Variants in SMC1A observed in about 807,000 individuals in gnomAD.
The protein encoded by SMC1A is structural maintenance of chromosomes 1A, also known as structural maintenance of chromosomes protein 1A.
In SMC1A, 4 loss-of-function variants were observed where a neutral mutation model predicts 94.5. The observed-to-expected ratio is 0.04, with a 90% confidence interval of 0.02 to 0.10. The LOEUF (loss-of-function observed/expected upper bound fraction) is 0.10, where lower values mean the gene tolerates loss of function less well. Among genes scored for constraint, SMC1A ranks in the 10% least tolerant of loss-of-function variants. The pLI is 1.00. For missense variants in SMC1A, 304 were observed against 989.0 expected (o/e 0.31, Z 9.29); for synonymous variants, 345 against 347.7 (o/e 0.99, Z 0.09).
At chrX:53,398,674 A>G (rs782030053) in intron 16 of SMC1A, among the ~76,000 whole-genome samples, 6 of 111,324 alleles carry the variant, frequency 5.4e-5, no homozygotes, top group African/African-American at 2.0e-4. Flanking sequence ...CTTAGGGACT[A>G]TTTTTCCTTT....
intron 9 of SMC1A, among the ~76,000 whole-genome samples, chrX:53,406,944 C>T (rs1157519565): frequency 1.8e-5 from 2 of 112,004 alleles, no homozygotes; most frequent in African/African-American, 6.5e-5. Flanking sequence ...ATGATCTGCC[C>T]GCCTCGGCCT....
In SMC1A at chrX:53,402,868, C is replaced by CAAAAAA. The variant is rs151144282; in HGVS notation, c.2420+692_2420+697dup. Among the ~76,000 whole-genome samples, 24 of 10,082 alleles carry CAAAAAA rather than the reference C, an allele frequency of 2.4e-3. 1 individual carries two copies. Among genetic ancestry groups the CAAAAAA allele is most frequent in the South Asian group, 0.05 (1 of 20 alleles). 8.8% of individuals were successfully genotyped at this position (10,082 alleles called of 115,157 possible). A position where few individuals can be genotyped will look rare whatever the true frequency, so the allele number is the denominator to read the frequency against. ...TGGGCGACAGAGCAAGACTCTGTCT[C>CAAAAAA]AAAAAAAAAAAAAAAAAGGGCCGGC... On this transcript the variant is annotated intron_variant, in intron 15 of 24. Transcript: ENST00000322213.
chrX:53,388,996 CAAAAAAAAA>C (rs782012322), intron 19 of SMC1A, among the ~76,000 whole-genome samples: 1 of 31,340 alleles, frequency 3.2e-5, no homozygotes, highest in East Asian at 1.0e-3. Context: ...GACTCCATCT[CAAAAAAAAA>C]AAAAAAAAAA....
chrX:53,414,782 T>G lies in SMC1A; in HGVS notation c.387A>C (p.Lys129Asn). The G allele has an allele frequency of 8.3e-7, 1 of 1,205,349 alleles. No homozygotes were observed. The highest frequency in any genetic ancestry group is 1.1e-6 in the Non-Finnish European group (1 of 889,694). The change falls in exon 3 of 25, where the codon AAA (lysine) becomes AAC (asparagine). Residue 129 changes from lysine to asparagine, a missense_variant. Transcript: ENST00000322213. ...EELEKLGILI[K>N]ARNFLVFQGA... The stretch of plus-strand genomic sequence containing the variant: ...CCTGGAAAACGAGGAAGTTACGAGC[T>G]TTGATGAGAATGCCCAACTTCTCTA...
intron 18 of SMC1A, among the ~76,000 whole-genome samples, chrX:53,395,262 G>A (rs1275467550): frequency 1.8e-5 from 2 of 112,399 alleles, no homozygotes; most frequent in Non-Finnish European, 3.8e-5. Context: ...AGAATCACTT[G>A]AAACTGGGAG....
chrX:53,412,779 G>T, intron 5 of SMC1A, 121 bp downstream of exon 5: 1 of 1,080,653 alleles, frequency 9.3e-7, no homozygotes, highest in Non-Finnish European at 1.3e-6. Flanking sequence ...TCTTACAAAA[G>T]CAAGTTAGGA....
In SMC1A at chrX:53,378,235, A is replaced by G. The variant is rs1168970608; in HGVS notation, c.*1868T>C. Reference sequence around the variant, plus strand: ...AGGAATCAACCCTAGGTAAACTTTCATACATATACTTTCACACAGGCATAG... The same window carrying G: ...AGGAATCAACCCTAGGTAAACTTTCGTACATATACTTTCACACAGGCATAG... On this transcript the variant is annotated 3_prime_UTR_variant, in exon 25 of 25. Transcript: ENST00000322213. 1 of 112,242 alleles carries G rather than the reference A, an allele frequency of 8.9e-6. No homozygotes were observed. The highest frequency in any genetic ancestry group is 1.9e-5 in the Non-Finnish European group (1 of 53,285). 9.3% of individuals were successfully genotyped at this position (112,242 alleles called of 1,213,427 possible).
intron 9 of SMC1A, 114 bp from the exon 10 acceptor site, chrX:53,406,070 T>C (rs1199574257): frequency 1.5e-6 from 1 of 678,858 alleles, no homozygotes; most frequent in Non-Finnish European, 2.3e-6. Context: ...AGGAAGTGAA[T>C]GCAACTGTAT....
intron 13 of SMC1A, among the ~76,000 whole-genome samples, chrX:53,404,524 C>T (rs375339500): frequency 1.8e-5 from 2 of 111,032 alleles, no homozygotes; most frequent in Admixed American, 9.6e-5. Flanking sequence ...GACAGAGTCT[C>T]GCTCTGTCAC....
At chrX:53,383,882 T>G (rs1264362629) in intron 19 of SMC1A, among the ~76,000 whole-genome samples, 1 of 111,509 alleles carries the variant, frequency 9.0e-6, no homozygotes, top group African/African-American at 3.3e-5. Flanking sequence ...GGAATGCACA[T>G]AAGTAAACAA....
chrX:53,393,875 G>A (rs1288060810), intron 19 of SMC1A, among the ~76,000 whole-genome samples: 4 of 110,828 alleles, frequency 3.6e-5, no homozygotes, highest in Non-Finnish European at 7.5e-5. Context: ...AGATATTTAG[G>A]GCCGGGCACA....
rs2075726023 is a variant in SMC1A at position 53,414,830 on chromosome X, T to C, written c.339A>G (p.Gln113=). The C allele has an allele frequency of 8.3e-7, 1 of 1,208,367 alleles. No homozygotes were observed. The highest frequency in any genetic ancestry group is 1.1e-6 in the Non-Finnish European group (1 of 892,436). The change falls in exon 3 of 25, where the codon CAA becomes CAG. Residue 113 remains glutamine, a synonymous_variant. Transcript: ENST00000322213. The part of the protein sequence containing the change: ...SEYKINNKVV[Q]LHEYSEELEK... Reference sequence around the variant, plus strand: ...CTAATTCCTCACTGTACTCATGTAGTTGGACCACTTTGTTGTTGATCTTGT... The same window carrying C: ...CTAATTCCTCACTGTACTCATGTAGCTGGACCACTTTGTTGTTGATCTTGT...
At chrX:53,395,051 T>C (rs2075646010) in intron 18 of SMC1A, among the ~76,000 whole-genome samples, 163 bp from the exon 19 acceptor site, 1 of 112,341 alleles carries the variant, frequency 8.9e-6, no homozygotes, top group Non-Finnish European at 1.9e-5. Flanking sequence ...AGTTCAAAAT[T>C]GAGCTCTATG....
At chrX:53,395,728 T>C (rs1482892509) in intron 18 of SMC1A, among the ~76,000 whole-genome samples, 1 of 111,503 alleles carries the variant, frequency 9.0e-6, no homozygotes, top group African/African-American at 3.3e-5. Context: ...CTAGTATCTC[T>C]GGTTTTCCTA....
chrX:53,419,841 A>G (rs1556891806), intron 1 of SMC1A, among the ~76,000 whole-genome samples: 1 of 109,535 alleles, frequency 9.1e-6, no homozygotes, highest in Non-Finnish European at 1.9e-5. Context: ...AAAAAAAGAA[A>G]AAAAAGAAAA....
intron 19 of SMC1A, among the ~76,000 whole-genome samples, chrX:53,393,780 A>C (rs782176121): frequency 8.9e-6 from 1 of 111,810 alleles, no homozygotes; most frequent in African/African-American, 3.2e-5. Context: ...AACACATCAT[A>C]AACTATTTAG....
At chrX:53,394,936 G>T in intron 18 of SMC1A, 48 bp from the exon 19 acceptor site, 1 of 766,216 alleles carries the variant, frequency 1.3e-6, no homozygotes, top group Non-Finnish European at 2.0e-6. Context: ...CCATGAGAGT[G>T]CACCTCTATA....
chrX:53,422,546 G>T lies in SMC1A; in HGVS notation c.55C>A (p.Gln19Lys). The change falls in exon 1 of 25, where the codon CAG becomes AAG. Residue 19 changes from glutamine to lysine, a missense_variant. This residue lies in a region of SMC1A where 8 missense variants were observed against 58.2 expected (regional missense o/e 0.14). Transcript: ENST00000322213. ...AACCTCTGAAATGGTCCGATAATCTGTCGACCCTTGTACGACTTAAAGTTC... is the reference window on the plus strand; with the variant it reads ...AACCTCTGAAATGGTCCGATAATCTTTCGACCCTTGTACGACTTAAAGTTC... The part of the protein sequence containing the change: ...IENFKSYKGR[Q>K]IIGPFQRFTA... 1 of 1,207,518 alleles carries T rather than the reference G, an allele frequency of 8.3e-7. No individual in the cohort carries two copies. The highest frequency in any genetic ancestry group is 1.1e-6 in the Non-Finnish European group (1 of 891,525).
At chrX:53,400,426 C>T (rs927427752) in intron 15 of SMC1A, among the ~76,000 whole-genome samples, 1 of 111,782 alleles carries the variant, frequency 8.9e-6, no homozygotes, top group Non-Finnish European at 1.9e-5. Context: ...ATAGTACCTA[C>T]CTCAGGGTTA....
Sources: allele counts gnomAD v4.1 joint callset (sites outside exome capture counted in the v4.1 genomes callset), GRCh38; gene constraint gnomAD v4.1.1; regional missense constraint gnomAD v4.1.1; transcripts MANE v1.5; gene names NCBI Gene and HGNC (gene_info 2026-07-23, HGNC 2026-07-21).